AFF2: variants seen among roughly 807,000 people sequenced by gnomAD.
AFF2 encodes the protein AF4/FMR2 family member 2.
AFF2 carries 14 observed loss-of-function variants against 76.9 expected under a neutral mutation model. The ratio of observed to expected loss-of-function variants is 0.18; its 90% CI spans 0.12 to 0.28. The LOEUF (loss-of-function observed/expected upper bound fraction) is 0.28. AFF2 is among the 10% of genes least tolerant of loss of function. The pLI is 1.00. For missense variants in AFF2, 868 were observed against 1,001.1 expected, an observed-to-expected ratio of 0.87 and a Z score of 1.79; for synonymous variants, 398 against 366.7, an observed-to-expected ratio of 1.09 and a Z score of -0.98.
chrX:148,637,575 G>A (rs2054044609), intron 1 of AFF2, among the ~76,000 whole-genome samples: 1 of 112,333 alleles, frequency 8.9e-6, no homozygotes, highest in South Asian at 3.7e-4. Context: ...ACATATGTGA[G>A]TTTGAATTGC....
intron 3 of AFF2, among the ~76,000 whole-genome samples, chrX:148,807,569 G>C (rs1041009831): frequency 8.9e-6 from 1 of 112,297 alleles, no homozygotes; most frequent in East Asian, 2.8e-4. Context: ...TGCTCTTGCT[G>C]TGTCTGCATA....
In AFF2 at chrX:148,991,958, C is replaced by A. The variant is rs782819771; in HGVS notation, c.*626C>A. ...CTATGCCACACAACCAGAGGACTTT[C>A]TTGTTAGCATCCCTTTCCTGATTCC... On this transcript the variant is annotated 3_prime_UTR_variant, in exon 21 of 21. Coordinates refer to ENST00000370460, the MANE Select transcript of AFF2 (RefSeq NM_002025.4). The A allele has an allele frequency of 5.3e-5, 6 of 112,234 alleles. No individual in the cohort carries two copies. Among genetic ancestry groups the A allele is most frequent in the Non-Finnish European group, 1.1e-4 (6 of 53,282 alleles). 9.2% of individuals were successfully genotyped at this position (112,234 alleles called of 1,213,427 possible).
At chrX:148,905,046 T>A (rs2071393519) in intron 9 of AFF2, among the ~76,000 whole-genome samples, 1 of 112,389 alleles carries the variant, frequency 8.9e-6, no homozygotes, top group African/African-American at 3.2e-5. Flanking sequence ...TATGTGTTAA[T>A]TTATTTTGGC....
At chrX:148,795,675 C>T (rs2069958096) in intron 3 of AFF2, among the ~76,000 whole-genome samples, 1 of 98,813 alleles carries the variant, frequency 1.0e-5, no homozygotes, top group South Asian at 5.2e-4. Context: ...TGGTGACATG[C>T]GCCTGTAGTC....
intron 7 of AFF2, among the ~76,000 whole-genome samples, chrX:148,870,969 C>G (rs1189907584): frequency 2.7e-5 from 3 of 110,942 alleles, no homozygotes; most frequent in Admixed American, 9.6e-5. Context: ...GCAACAAGGT[C>G]TCTATCAAGT....
At chrX:148,597,850 C>T (rs989376542) in intron 1 of AFF2, among the ~76,000 whole-genome samples, 3 of 112,265 alleles carry the variant, frequency 2.7e-5, no homozygotes, top group South Asian at 7.3e-4. Context: ...GCAAACTCTT[C>T]GTTTTACACG....
intron 4 of AFF2, among the ~76,000 whole-genome samples, chrX:148,820,345 A>C (rs933281890): frequency 4.5e-5 from 5 of 111,680 alleles, no homozygotes; most frequent in African/African-American, 1.6e-4. Context: ...AATTCATGCT[A>C]TGAGAAAAAT....
At chrX:148,790,862 T>C (rs782737326) in intron 3 of AFF2, among the ~76,000 whole-genome samples, 11 of 111,605 alleles carry the variant, frequency 9.9e-5, no homozygotes, top group Non-Finnish European at 1.9e-4. Flanking sequence ...ATAAAAAGAT[T>C]GAGGGAGCAT....
intron 7 of AFF2, among the ~76,000 whole-genome samples, chrX:148,871,731 G>A (rs1343992365): frequency 9.0e-6 from 1 of 111,302 alleles, no homozygotes; most frequent in Non-Finnish European, 1.9e-5. Context: ...TCAGGGAGGA[G>A]GAGAAGAGTC....
chrX:148,873,127 G>A (rs1203930572), intron 7 of AFF2, among the ~76,000 whole-genome samples: 1 of 111,526 alleles, frequency 9.0e-6, no homozygotes, highest in African/African-American at 3.3e-5. Context: ...CTGTTGAGAG[G>A]GACATTGCAC....
chrX:148,885,928 T>C lies in AFF2; in HGVS notation c.1302T>C (p.Asp434=). 3 of 1,210,910 alleles carry C rather than the reference T, an allele frequency of 2.5e-6. No individual in the cohort carries two copies. Among genetic ancestry groups the C allele is most frequent in the Middle Eastern group, 2.3e-4 (1 of 4,350 alleles). Residue 434 remains aspartate, a synonymous_variant, in exon 8 of 21, where the codon GAT becomes GAC. Transcript: ENST00000370460. ...ACCTGAAGCTGAGCAGTGATGAAGA[T>C]GACCTTGAGCCTGTGAAGACCTTGA... ...EDDLKLSSDE[D]DLEPVKTLTT... is the part of the protein sequence containing the mutation.
chrX:148,624,204 C>G (rs1557251686), intron 1 of AFF2, among the ~76,000 whole-genome samples: 1 of 111,404 alleles, frequency 9.0e-6, no homozygotes. Flanking sequence ...TCCGCAGTCC[C>G]TTCCCCATCA....
At chrX:148,589,334 A>G (rs966751902) in intron 1 of AFF2, among the ~76,000 whole-genome samples, 1 of 111,762 alleles carries the variant, frequency 8.9e-6, no homozygotes, top group Non-Finnish European at 1.9e-5. Context: ...TACTACATGC[A>G]GCATTTGGAA....
chrX:148,501,718 T>G (rs1557231897), intron 1 of AFF2, among the ~76,000 whole-genome samples: 1 of 113,464 alleles, frequency 8.8e-6, no homozygotes, highest in African/African-American at 3.2e-5. Context: ...GCAGCGGCTT[T>G]GGGGGCCACC....
chrX:148,701,674 A>G (rs1045696754), intron 3 of AFF2, among the ~76,000 whole-genome samples: 53 of 112,584 alleles, frequency 4.7e-4, no homozygotes, highest in African/African-American at 1.5e-3. Flanking sequence ...TGTAGTTTTC[A>G]GTGCATCTTT....
At chrX:148,737,833 G>A (rs942674882) in intron 3 of AFF2, among the ~76,000 whole-genome samples, 3 of 111,656 alleles carry the variant, frequency 2.7e-5, no homozygotes, top group Non-Finnish European at 5.6e-5. Flanking sequence ...ATAAAGCGAT[G>A]TTGGGTTTTG....
intron 8 of AFF2, among the ~76,000 whole-genome samples, chrX:148,900,559 G>A (rs1303875085): frequency 9.0e-6 from 1 of 111,105 alleles, no homozygotes; most frequent in Non-Finnish European, 1.9e-5. Context: ...CATGACAGAG[G>A]TGGCCCATGT....
chrX:148,967,004 C>G lies in AFF2; in HGVS notation c.3128C>G (p.Thr1043Arg). The change falls in exon 14 of 21, where the codon ACG becomes AGG. Residue 1043 changes from threonine (T) to arginine (R), a missense_variant. Around this residue, in one of 6 missense-constraint regions of AFF2, gnomAD observed 57 missense variants for 117.8 expected, o/e 0.48. Coordinates refer to ENST00000370460, the MANE Select transcript of AFF2 (RefSeq NM_002025.4). ...GLMDSSHLEM[T>R]SWAALPLLSS... ...ATGGATAGCAGTCACCTGGAGATGACGTCCTGGGCGGCTCTGCCCCTTCTA... is the reference window on the plus strand; with the variant it reads ...ATGGATAGCAGTCACCTGGAGATGAGGTCCTGGGCGGCTCTGCCCCTTCTA... The G allele has an allele frequency of 8.3e-7, 1 of 1,211,569 alleles. No individual in the cohort carries two copies. The highest frequency in any genetic ancestry group is 1.1e-6 in the Non-Finnish European group (1 of 895,522).
At chrX:148,539,726 A>T (rs2052831295) in intron 1 of AFF2, among the ~76,000 whole-genome samples, 1 of 110,987 alleles carries the variant, frequency 9.0e-6, no homozygotes, top group African/African-American at 3.3e-5. Flanking sequence ...TCAAGTGTTA[A>T]CATTCTTTAA....
Sources: gnomAD v4.1 joint callset for allele counts (sites outside exome capture counted in the v4.1 genomes callset) on GRCh38, gnomAD v4.1.1 for gene constraint, gnomAD v4.1.1 regional missense constraint, MANE v1.5 for transcripts, NCBI Gene and HGNC (gene_info 2026-07-23, HGNC 2026-07-21) for gene names.